Variants in MSH3 observed in about 807,000 individuals in gnomAD.
MSH3 encodes mutS homolog 3.
MSH3 carries 106 observed loss-of-function variants against 123.3 expected under a neutral mutation model. The ratio of observed to expected loss-of-function variants is 0.86; its 90% confidence interval spans 0.73 to 1.01. The LOEUF (loss-of-function observed/expected upper bound fraction) is 1.01, where lower values mean the gene tolerates loss of function less well. Ranked by LOEUF, MSH3 falls within the 50% of genes least tolerant of loss-of-function variation. MSH3 has a pLI of 0.00. For missense variants in MSH3, 1,459 were observed against 1,347.6 expected (o/e 1.08, Z -1.29); for synonymous variants, 515 against 481.4 (o/e 1.07, Z -0.91).
chr5:80,753,446 C>T (rs1358808616), intron 12 of MSH3, among the ~76,000 whole-genome samples: 8 of 152,152 alleles, frequency 5.3e-5, no homozygotes. Context: ...TGGGGGCCTA[C>T]TCTCAAAATA....
intron 21 of MSH3, among the ~76,000 whole-genome samples, chr5:80,856,889 ATT>A (rs35404732): frequency 6.6e-6 from 1 of 151,300 alleles, no homozygotes; most frequent in African/African-American, 2.4e-5. Context: ...TTCCCCATCT[ATT>A]TTTTTTTTCT....
At chr5:80,816,585 G>A (rs1182969401) in intron 20 of MSH3, among the ~76,000 whole-genome samples, 1 of 152,126 alleles carries the variant, frequency 6.6e-6, no homozygotes, top group African/African-American at 2.4e-5. Flanking sequence ...TGGTTACACT[G>A]TAAAGAATGT....
chr5:80,821,931 G>A (rs1259775209), intron 20 of MSH3, among the ~76,000 whole-genome samples: 1 of 152,212 alleles, frequency 6.6e-6, no homozygotes, highest in Non-Finnish European at 1.5e-5. Flanking sequence ...CTCTGACCCA[G>A]TGGCCTTGTG....
At chr5:80,756,886 A>G (rs563674881) in intron 12 of MSH3, among the ~76,000 whole-genome samples, 72 of 152,286 alleles carry the variant, frequency 4.7e-4, no homozygotes, top group African/African-American at 1.6e-3. Flanking sequence ...GAAAGGGCCT[A>G]TGGTTCATGT....
In MSH3 at chr5:80,670,090, T is replaced by A; in HGVS notation, c.580-7T>A. ...TTTTAAAACTTTATACATCTTTTGGTTGCCAGGACACAACACTTTTTGATC... is the reference window on the plus strand; with the variant it reads ...TTTTAAAACTTTATACATCTTTTGGATGCCAGGACACAACACTTTTTGATC... On this transcript the variant is annotated splice_region_variant and splice_polypyrimidine_tract_variant and intron_variant, in intron 3 of 23. Coordinates refer to ENST00000265081, the MANE Select transcript of MSH3 (RefSeq NM_002439.5). 6.2e-7 allele frequency: 1 copy of A among 1,613,790 alleles called. No individual in the cohort carries two copies. The highest frequency in any genetic ancestry group is 8.5e-7 in the Non-Finnish European group (1 of 1,179,742).
intron 22 of MSH3, among the ~76,000 whole-genome samples, chr5:80,869,817 T>C (rs937803612): frequency 7.8e-4 from 58 of 73,890 alleles, no homozygotes; most frequent in African/African-American, 3.1e-3. Flanking sequence ...TATATACATA[T>C]ATATATACAT....
intron 20 of MSH3, among the ~76,000 whole-genome samples, chr5:80,841,369 G>T (rs185115406): frequency 6.6e-6 from 1 of 152,188 alleles, no homozygotes; most frequent in Non-Finnish European, 1.5e-5. Context: ...GAACGTACGT[G>T]TGCATGTGTC....
At chr5:80,795,125 G>A (rs1451861555) in intron 19 of MSH3, among the ~76,000 whole-genome samples, 2 of 152,200 alleles carry the variant, frequency 1.3e-5, no homozygotes, top group African/African-American at 4.8e-5. Flanking sequence ...AGCTGGGACT[G>A]TAACAGAGTA....
intron 12 of MSH3, among the ~76,000 whole-genome samples, chr5:80,758,083 C>T (rs147688615): frequency 6.6e-6 from 1 of 152,262 alleles, no homozygotes; most frequent in East Asian, 1.9e-4. Context: ...ACCTACTGTC[C>T]AGTCTCAGCA....
At position 80,654,873 on chromosome 5, in the gene MSH3, C is replaced by G. The variant is rs564858245; in HGVS notation, c.146C>G (p.Pro49Arg). ...ACAGGTGCAGCCGACCAGGTGGACC[C>G]TGGCGCTGCAGCGGCTGCAGCGGCC... is the stretch of plus-strand genomic sequence containing the variant. ...SSTGAADQVD[P>R]GAAAAAAAAA... is the part of the protein sequence containing the mutation. Residue 49 changes from proline (P) to arginine (R), a missense_variant, in exon 1 of 24, where the codon CCT (proline) becomes CGT (arginine). Transcript: ENST00000265081. 340 of 1,599,074 alleles carry G rather than the reference C, an allele frequency of 2.1e-4. 5 individuals are homozygous for G. In the South Asian group the frequency reaches 3.5e-3, roughly 16 times the overall value.
intron 20 of MSH3, among the ~76,000 whole-genome samples, chr5:80,839,881 CT>C (rs1290671773): frequency 6.6e-6 from 1 of 152,176 alleles, no homozygotes; most frequent in Non-Finnish European, 1.5e-5. Flanking sequence ...TCCCAACCCC[CT>C]GCTACCCTCC....
intron 21 of MSH3, among the ~76,000 whole-genome samples, chr5:80,860,206 TAA>T (rs1745992242): frequency 6.6e-6 from 1 of 152,064 alleles, no homozygotes; most frequent in Admixed American, 6.6e-5. Context: ...ATAAGAAAAA[TAA>T]AAGTTTTTCG....
At chr5:80,713,245 T>G (rs1345928717) in intron 8 of MSH3, among the ~76,000 whole-genome samples, 1 of 152,204 alleles carries the variant, frequency 6.6e-6, no homozygotes, top group African/African-American at 2.4e-5. Context: ...CAAGCAGACA[T>G]TAAAAGATAT....
chr5:80,683,333 G>A (rs1650751), intron 8 of MSH3, among the ~76,000 whole-genome samples: 110,539 of 151,962 alleles, frequency 0.73, 40,314 homozygotes, highest in African/African-American at 0.81. Flanking sequence ...CCAACAGTCT[G>A]TGAGGGTTCC....
chr5:80,711,365 T>C (rs1214975905), intron 8 of MSH3, among the ~76,000 whole-genome samples: 5 of 152,216 alleles, frequency 3.3e-5, no homozygotes, highest in Non-Finnish European at 5.9e-5. Context: ...TGCTTTTAGT[T>C]TTCAGTCCCT....
chr5:80,837,436 A>G (rs1194863327), intron 20 of MSH3, among the ~76,000 whole-genome samples: 2 of 152,034 alleles, frequency 1.3e-5, no homozygotes, highest in African/African-American at 4.8e-5. Flanking sequence ...AAAATTAGCC[A>G]GGCATGGTGG....
At chr5:80,867,290 G>C (rs1341769240) in intron 22 of MSH3, among the ~76,000 whole-genome samples, 1 of 152,150 alleles carries the variant, frequency 6.6e-6, no homozygotes, top group Non-Finnish European at 1.5e-5. Flanking sequence ...TTATTATCAG[G>C]CTAGTGACAA....
intron 2 of MSH3, among the ~76,000 whole-genome samples, chr5:80,657,988 A>G (rs1486663856): frequency 1.3e-5 from 2 of 148,400 alleles, no homozygotes; most frequent in Non-Finnish European, 3.0e-5. Context: ...TTTTTATTCT[A>G]GAGGCTTTTT....
chr5:80,701,478 A>G (rs1437539631), intron 8 of MSH3, among the ~76,000 whole-genome samples: 2 of 152,218 alleles, frequency 1.3e-5, no homozygotes, highest in Non-Finnish European at 2.9e-5. Flanking sequence ...TTAAGGTGTA[A>G]CCTGACAGCA....
Sources: gnomAD v4.1 joint callset for allele counts (sites outside exome capture counted in the v4.1 genomes callset) on GRCh38, gnomAD v4.1.1 for gene constraint, MANE v1.5 for transcripts, NCBI Gene and HGNC (gene_info 2026-07-23, HGNC 2026-07-21) for gene names.